The following CERKL variants were observed in gnomAD, a reference collection of about 807,000 sequenced individuals.
The protein encoded by CERKL is CERK like autophagy regulator.
A neutral mutation model predicts 63.4 loss-of-function variants in CERKL; 61 were observed. That is an observed-to-expected ratio of 0.96 (90% CI 0.78 to 1.19). The LOEUF (loss-of-function observed/expected upper bound fraction) is 1.19, where lower values mean the gene tolerates loss of function less well. CERKL is among the 50% of genes most tolerant of loss of function. The pLI, the probability that CERKL is intolerant of heterozygous loss-of-function variation, is 0.00. For missense variants in CERKL, 675 were observed against 655.5 expected, an observed-to-expected ratio of 1.03 and a Z score of -0.33; for synonymous variants, 250 against 230.5, an observed-to-expected ratio of 1.08 and a Z score of -0.77.
chr2:181,641,430 C>T (rs919855161), intron 1 of CERKL, among the ~76,000 whole-genome samples: 1 of 150,396 alleles, frequency 6.6e-6, no homozygotes, highest in African/African-American at 2.4e-5. Flanking sequence ...CTCAAGCAAT[C>T]CTCCCATCTC....
intron 9 of CERKL, 32 bp from the exon 10 acceptor site, chr2:181,547,758 C>A: frequency 6.2e-7 from 1 of 1,613,486 alleles, no homozygotes; most frequent in Non-Finnish European, 8.5e-7. Context: ...GGTTATTTTC[C>A]CTCACCAGAA....
intron 5 of CERKL, among the ~76,000 whole-genome samples, chr2:181,557,163 G>A (rs1194837663): frequency 6.6e-6 from 1 of 151,916 alleles, no homozygotes; most frequent in Non-Finnish European, 1.5e-5. Flanking sequence ...TGAGTAGATT[G>A]CAAAAATTTT....
chr2:181,567,792 A>G (rs970397661), intron 3 of CERKL, among the ~76,000 whole-genome samples: 1 of 152,304 alleles, frequency 6.6e-6, no homozygotes, highest in Admixed American at 6.5e-5. Context: ...AAAAGGATAA[A>G]GAGTGATCTG....
chr2:181,594,735 G>A (rs1466542895), intron 2 of CERKL, among the ~76,000 whole-genome samples: 2 of 152,062 alleles, frequency 1.3e-5, no homozygotes, highest in Non-Finnish European at 2.9e-5. Context: ...CGGTGCTTTT[G>A]CTTTAAAGAT....
intron 1 of CERKL, among the ~76,000 whole-genome samples, chr2:181,639,627 C>A (rs1408549676): frequency 1.5e-4 from 23 of 152,096 alleles, no homozygotes; most frequent in Non-Finnish European, 1.5e-5. Context: ...GCTTTACTAC[C>A]ACCAACTCAG....
rs1687212304 is a variant in CERKL, at chr2:181,537,583, T to C, written c.*601A>G. 1 of 429,450 alleles carries C rather than the reference T, an allele frequency of 2.3e-6. No individual in the cohort carries two copies. The highest frequency in any genetic ancestry group is 4.6e-6 in the Non-Finnish European group (1 of 217,318). 26.6% of individuals were successfully genotyped at this position (429,450 alleles called of 1,614,324 possible). ...AATCAAGGCAGACTTATGAAATCTG[T>C]ATTATATTTGTAACAGAATATAGGA... On this transcript the variant is annotated 3_prime_UTR_variant, in exon 13 of 13. Transcript: ENST00000410087.
intron 2 of CERKL, among the ~76,000 whole-genome samples, chr2:181,584,021 C>T (rs1684650980): frequency 6.6e-6 from 1 of 152,084 alleles, no homozygotes; most frequent in Non-Finnish European, 1.5e-5. Flanking sequence ...TTGGAGAGAA[C>T]TATCACAATA....
At chr2:181,572,021 A>C (rs567385938) in intron 3 of CERKL, among the ~76,000 whole-genome samples, 1 of 152,140 alleles carries the variant, frequency 6.6e-6, no homozygotes, top group Non-Finnish European at 1.5e-5. Context: ...CAGATAATGT[A>C]AAAACTGAGG....
intron 5 of CERKL, among the ~76,000 whole-genome samples, chr2:181,552,461 C>G (rs1003666678): frequency 6.6e-6 from 1 of 152,164 alleles, no homozygotes; most frequent in Non-Finnish European, 1.5e-5. Flanking sequence ...TTCCTGCCAC[C>G]TTGTGAAGAA....
intron 11 of CERKL, among the ~76,000 whole-genome samples, chr2:181,539,679 G>T (rs912569440): frequency 6.6e-6 from 1 of 152,122 alleles, no homozygotes; most frequent in African/African-American, 2.4e-5. Context: ...TTGGAAGAAC[G>T]CAAGTCTAAA....
chr2:181,608,777 G>T (rs1685831257), intron 1 of CERKL, among the ~76,000 whole-genome samples: 1 of 152,130 alleles, frequency 6.6e-6, no homozygotes, highest in South Asian at 2.1e-4. Context: ...TAAGGGGAAA[G>T]GAGGAGTTGA....
intron 1 of CERKL, among the ~76,000 whole-genome samples, chr2:181,647,957 CAAG>C (rs948508408): frequency 4.6e-5 from 7 of 151,694 alleles, no homozygotes; most frequent in Non-Finnish European, 7.4e-5. Context: ...TCGAGAGCTT[CAAG>C]AATAGACCAG....
At chr2:181,583,485 C>A (rs139971465) in intron 2 of CERKL, among the ~76,000 whole-genome samples, 1 of 152,122 alleles carries the variant, frequency 6.6e-6, no homozygotes, top group Non-Finnish European at 1.5e-5. Context: ...TCTCAGTAAG[C>A]CTTTAGATTG....
chr2:181,606,992 C>T (rs1685746185), intron 1 of CERKL, among the ~76,000 whole-genome samples: 1 of 152,196 alleles, frequency 6.6e-6, no homozygotes, highest in African/African-American at 2.4e-5. Context: ...ACTGTGCACC[C>T]TTAAAGACTG....
At chr2:181,567,451 T>C (rs752406813) in intron 3 of CERKL, among the ~76,000 whole-genome samples, 1 of 152,176 alleles carries the variant, frequency 6.6e-6, no homozygotes, top group Non-Finnish European at 1.5e-5. Flanking sequence ...TAGAACTGTG[T>C]TATTATTGAA....
chr2:181,587,728 G>GA (rs1035411896), intron 2 of CERKL, among the ~76,000 whole-genome samples: 8 of 151,968 alleles, frequency 5.3e-5, no homozygotes, highest in African/African-American at 1.7e-4. Context: ...TCATGAACTA[G>GA]AAAATTATAA....
In CERKL at chr2:181,623,649, C is replaced by T. The variant is rs527890798; in HGVS notation, c.239-19570G>A. 2.6e-5 allele frequency among the ~76,000 whole-genome samples: 4 copies of T among 152,278 alleles called. No homozygotes were observed. The South Asian group carries it at 6.2e-4, about 24-fold the overall frequency. On this transcript the variant is annotated intron_variant, in intron 1 of 12. Coordinates refer to ENST00000410087, the MANE Select transcript of CERKL (RefSeq NM_201548.5). ...CTTCCTTGACTACCCAATAAATAAT[C>T]GTTGAACAAAGATTGGAACAAAATA... is the stretch of plus-strand genomic sequence containing the variant.
intron 1 of CERKL, among the ~76,000 whole-genome samples, chr2:181,656,446 T>A (rs919590726): frequency 2.6e-5 from 4 of 152,068 alleles, no homozygotes; most frequent in African/African-American, 9.7e-5. Context: ...TACCTCCCCT[T>A]TGGGGCTCAA....
intron 2 of CERKL, among the ~76,000 whole-genome samples, chr2:181,600,735 A>T (rs895791537): frequency 6.6e-6 from 1 of 152,148 alleles, no homozygotes; most frequent in African/African-American, 2.4e-5. Flanking sequence ...CCTATGGGGA[A>T]AAAAAGCTAT....
Sources: allele counts gnomAD v4.1 joint callset (sites outside exome capture counted in the v4.1 genomes callset), GRCh38; gene constraint gnomAD v4.1.1; transcripts MANE v1.5; gene names NCBI Gene and HGNC (gene_info 2026-07-23, HGNC 2026-07-21).